DNAAF9: variants seen among roughly 807,000 people sequenced by gnomAD.
DNAAF9 encodes the protein shulin.
A neutral mutation model predicts 167.0 loss-of-function variants in DNAAF9; 90 were observed. The observed-to-expected ratio is 0.54, with a 90% CI of 0.45 to 0.64. The LOEUF is 0.64. Among genes scored for constraint, DNAAF9 ranks in the 30% least tolerant of loss-of-function variants. DNAAF9 has a pLI of 0.00. For missense variants in DNAAF9, 1,315 were observed against 1,442.2 expected (o/e 0.91, Z 1.43); for synonymous variants, 491 against 508.8 (o/e 0.96, Z 0.47).
intron 16 of DNAAF9, among the ~76,000 whole-genome samples, chr20:3,318,924 C>CA (rs927629359): frequency 2.3e-4 from 35 of 149,150 alleles, no homozygotes; most frequent in Admixed American, 6.7e-4. Context: ...ACTAAAAATA[C>CA]AAAAAAAAAT....
At chr20:3,267,262 G>T (rs1282996970) in intron 30 of DNAAF9, among the ~76,000 whole-genome samples, 1 of 152,142 alleles carries the variant, frequency 6.6e-6, no homozygotes, top group African/African-American at 2.4e-5. Context: ...TCCCAAATTA[G>T]ACTAGCAGGA....
intron 10 of DNAAF9, 146 bp downstream of exon 10, chr20:3,340,358 T>C (rs2070054461): frequency 3.0e-6 from 2 of 657,012 alleles, no homozygotes; most frequent in Non-Finnish European, 5.1e-6. Flanking sequence ...TCTAATCACT[T>C]CTTTTCACTC....
At chr20:3,296,376 C>T (rs1368188478) in intron 23 of DNAAF9, 2 of 312,838 alleles carry the variant, frequency 6.4e-6, no homozygotes, top group Non-Finnish European at 1.2e-5. Flanking sequence ...GCAGTGGGGA[C>T]ATTTTTCGTT....
rs1261889502 is a variant in DNAAF9, at chr20:3,298,187, AGGAG to A, written c.1783-16_1783-13del. On this transcript the variant is annotated splice_polypyrimidine_tract_variant and intron_variant, in intron 21 of 36. Coordinates refer to ENST00000252032, the MANE Select transcript of DNAAF9 (RefSeq NM_001009984.3). ...GTACTGGTGGAATCCTAAAGCGAAAAGGAGGGAGCATCAGCAAGAAGAGCATCTG... is the reference window on the plus strand; with the variant it reads ...GTACTGGTGGAATCCTAAAGCGAAAAGGAGCATCAGCAAGAAGAGCATCTG... 6.2e-7 allele frequency: 1 copy of A among 1,608,526 alleles called. No individual in the cohort carries two copies. Among genetic ancestry groups the A allele is most frequent in the South Asian group, 1.1e-5 (1 of 90,238 alleles).
At chr20:3,283,838 A>C (rs900696672) in intron 27 of DNAAF9, among the ~76,000 whole-genome samples, 3 of 152,238 alleles carry the variant, frequency 2.0e-5, no homozygotes, top group African/African-American at 4.8e-5. Context: ...AAAAGGATTC[A>C]CAAGTCATGC....
chr20:3,265,531 C>T (rs1236051392), intron 30 of DNAAF9, among the ~76,000 whole-genome samples: 3 of 136,476 alleles, frequency 2.2e-5, no homozygotes, highest in Non-Finnish European at 3.1e-5. Flanking sequence ...GACGAGATCA[C>T]GCCACTGCAC....
intron 20 of DNAAF9, chr20:3,307,209 A>G (rs1279030285): frequency 1.0e-6 from 1 of 952,532 alleles, no homozygotes; most frequent in Non-Finnish European, 1.2e-6. Flanking sequence ...AATGGAAAAG[A>G]GGAAGACAAA....
At chr20:3,299,353 C>T (rs1328780098) in intron 21 of DNAAF9, among the ~76,000 whole-genome samples, 1 of 152,062 alleles carries the variant, frequency 6.6e-6, no homozygotes, top group African/African-American at 2.4e-5. Context: ...GGGACCTGTG[C>T]CCAGGATGGA....
rs1044081217 is a variant in DNAAF9 at position 3,305,934 on chromosome 20, A to C, written c.1679-1391T>G. Among the ~76,000 whole-genome samples, 9 of 152,186 alleles carry C rather than the reference A, an allele frequency of 5.9e-5. No individual in the cohort carries two copies. In the East Asian group the frequency reaches 1.5e-3, roughly 26 times the overall value. Reference sequence around the variant, plus strand: ...CTTTTCCTGAGGCCCTCTGAAAAGGAGGCTAATCATGCCCCAGCCTCATCC... The same window carrying C: ...CTTTTCCTGAGGCCCTCTGAAAAGGCGGCTAATCATGCCCCAGCCTCATCC... On this transcript the variant is annotated intron_variant, in intron 20 of 36. Transcript: ENST00000252032.
chr20:3,369,039 G>C (rs1438807991), intron 6 of DNAAF9, among the ~76,000 whole-genome samples: 2 of 151,564 alleles, frequency 1.3e-5, no homozygotes, highest in Non-Finnish European at 2.9e-5. Context: ...TGTGGCAGGA[G>C]AATCGTTTGC....
At chr20:3,268,594 TG>T (rs1432837250) in intron 30 of DNAAF9, among the ~76,000 whole-genome samples, 1 of 152,230 alleles carries the variant, frequency 6.6e-6, no homozygotes, top group East Asian at 1.9e-4. Context: ...CCCAAAGTGC[TG>T]GGATTACAGG....
intron 13 of DNAAF9, among the ~76,000 whole-genome samples, chr20:3,325,787 T>A (rs2069699765): frequency 6.6e-6 from 1 of 152,140 alleles, no homozygotes; most frequent in East Asian, 1.9e-4. Flanking sequence ...GATTTTCTAA[T>A]CTTTAGCTAT....
At chr20:3,318,499 C>G in intron 16 of DNAAF9, 99 bp from the exon 17 acceptor site, 2 of 659,788 alleles carry the variant, frequency 3.0e-6, no homozygotes, top group Non-Finnish European at 5.6e-6. Flanking sequence ...AGGAACATGG[C>G]AAAAGAGTAC....
At chr20:3,295,077 G>C (rs1460256276) in intron 23 of DNAAF9, among the ~76,000 whole-genome samples, 1 of 152,126 alleles carries the variant, frequency 6.6e-6, no homozygotes, top group East Asian at 1.9e-4. Flanking sequence ...CACTGTGTTA[G>C]CCAGGATGGT....
intron 33 of DNAAF9, among the ~76,000 whole-genome samples, chr20:3,256,548 AAGAG>A (rs1199805573): frequency 2.0e-5 from 3 of 152,236 alleles, no homozygotes; most frequent in African/African-American, 4.8e-5. Context: ...AGGATGGAGT[AAGAG>A]AGAGAGACAG....
chr20:3,269,008 G>A (rs6107266), intron 30 of DNAAF9, among the ~76,000 whole-genome samples: 6,827 of 144,030 alleles, frequency 0.047, 443 homozygotes, highest in East Asian at 0.17. Flanking sequence ...GGTTCACGCC[G>A]TTCTCCTCCC....
chr20:3,365,436 G>C (rs1399951518), intron 6 of DNAAF9, among the ~76,000 whole-genome samples: 8 of 151,840 alleles, frequency 5.3e-5, no homozygotes, highest in African/African-American at 1.9e-4. Context: ...CTGTTGCCCA[G>C]GCTGGGGAGC....
intron 26 of DNAAF9, among the ~76,000 whole-genome samples, chr20:3,289,761 T>C (rs1441815660): frequency 6.6e-6 from 1 of 152,204 alleles, no homozygotes; most frequent in East Asian, 1.9e-4. Context: ...ATCTACCCAC[T>C]TTTGCCTCCC....
chr20:3,316,686 C>T (rs370309277), intron 18 of DNAAF9, 37 bp downstream of exon 18: 2 of 1,489,226 alleles, frequency 1.3e-6, no homozygotes, highest in Non-Finnish European at 1.9e-6. Flanking sequence ...GATTTCTCCA[C>T]ACGTAGGTCC....
Sources: gnomAD v4.1 joint callset for allele counts (sites outside exome capture counted in the v4.1 genomes callset) on GRCh38, gnomAD v4.1.1 for gene constraint, MANE v1.5 for transcripts, NCBI Gene and HGNC (gene_info 2026-07-23, HGNC 2026-07-21) for gene names.